The following CECR2 variants were observed in gnomAD, a reference collection of about 807,000 sequenced individuals.
CECR2 encodes the protein CECR2 histone acetyl-lysine reader.
In CECR2, 30 loss-of-function variants were observed where a neutral mutation model predicts 154.5. That is an observed-to-expected ratio of 0.19 (90% CI 0.15 to 0.26). The LOEUF (loss-of-function observed/expected upper bound fraction) is 0.26. CECR2 is among the 10% of genes least tolerant of loss of function. The pLI is 1.00. For missense variants in CECR2, 1,743 were observed against 1,829.3 expected (o/e 0.95, Z 0.86); for synonymous variants, 725 against 683.7 (o/e 1.06, Z -0.94).
chr22:17,505,534 C>CTTT lies in CECR2; in HGVS notation c.870+539_870+541dup, dbSNP rs11387639. On this transcript the variant is annotated intron_variant, in intron 7 of 18. Coordinates refer to ENST00000262608, the MANE Select transcript of CECR2 (RefSeq NM_001290047.2). The stretch of plus-strand genomic sequence containing the variant: ...TCAAACATCCTTCATCCTCTTTTTC[C>CTTT]TTTTTTTTTTTTTTTTTTTTTTTGA... 1.0e-2 allele frequency among the ~76,000 whole-genome samples: 987 copies of CTTT among 98,848 alleles called. 13 individuals carry two copies. The highest frequency in any genetic ancestry group is 0.017 in the East Asian group (50 of 3,010). The allele number at this position is 98,848 out of a possible 152,430, so 64.8% of individuals were successfully genotyped here. A position where few individuals can be genotyped will look rare whatever the true frequency, so the allele number is the denominator to read the frequency against.
chr22:17,542,094 G>A, intron 15 of CECR2, 63 bp from the exon 16 acceptor site: 9 of 1,575,766 alleles, frequency 5.7e-6, no homozygotes, highest in Non-Finnish European at 7.8e-6. Flanking sequence ...CCATAGAGAA[G>A]CATGGCACAA....
At chr22:17,378,022 T>C (rs569823687) in intron 1 of CECR2, among the ~76,000 whole-genome samples, 501 of 152,326 alleles carry the variant, frequency 3.3e-3, no homozygotes, top group African/African-American at 0.011. Flanking sequence ...CTTGCTCTGT[T>C]GCCCAGGCTG....
At position 17,532,522 on chromosome 22, in the gene CECR2, A is replaced by G. The variant is rs117898851; in HGVS notation, c.1109-4581A>G. Among the ~76,000 whole-genome samples the G allele has an allele frequency of 1.1e-3, 169 of 152,160 alleles. 2 individuals are homozygous for G. In the East Asian group the frequency reaches 0.028, roughly 25 times the overall value. ...TTCCCTTTAAAGTCAGGATAAACAC[A>G]AGGATTTCCTCTATTGTTTCCATTT... On this transcript the variant is annotated intron_variant, in intron 9 of 18. Transcript: ENST00000262608.
intron 18 of CECR2, 61 bp from the exon 19 acceptor site, chr22:17,552,774 G>GTTTTTT (rs695569): frequency 0.026 from 24,310 of 935,076 alleles, 406 homozygotes; most frequent in East Asian, 0.036. Flanking sequence ...GCTTACTTAA[G>GTTTTTT]TTTTTTTTTT....
intron 1 of CECR2, among the ~76,000 whole-genome samples, chr22:17,396,714 A>G (rs893912776): frequency 7.9e-5 from 12 of 152,242 alleles, no homozygotes; most frequent in African/African-American, 2.7e-4. Context: ...CATTCCTGGT[A>G]TATAACCTGT....
intron 2 of CECR2, among the ~76,000 whole-genome samples, chr22:17,487,635 TGAGCC>T (rs552757576): frequency 6.2e-4 from 95 of 152,134 alleles, no homozygotes; most frequent in Non-Finnish European, 1.1e-3. Flanking sequence ...GAGCTTGCAG[TGAGCC>T]GAGATCGCGC....
intron 1 of CECR2, among the ~76,000 whole-genome samples, chr22:17,447,128 G>A (rs5992054): frequency 0.29 from 43,104 of 146,844 alleles, 9,095 homozygotes; most frequent in African/African-American, 0.57. Context: ...TCCGCCTCCC[G>A]GGTTCACGCC....
chr22:17,555,265 CCTT>C lies in CECR2; in HGVS notation c.*2429_*2431del, dbSNP rs1289971784. 6.6e-6 allele frequency: 1 copy of C among 152,224 alleles called. No individual in the cohort carries two copies. Among genetic ancestry groups the C allele is most frequent in the East Asian group, 1.9e-4 (1 of 5,202 alleles). 9.4% of individuals were successfully genotyped at this position (152,224 alleles called of 1,614,324 possible). Reference sequence around the variant, plus strand: ...AGTAAATCCCTTTATCCTTAATCTCCCTTCTTGGTTTTCGACAGAAAATATTAA... The same window carrying C: ...AGTAAATCCCTTTATCCTTAATCTCCCTTGGTTTTCGACAGAAAATATTAA... On this transcript the variant is annotated 3_prime_UTR_variant, in exon 19 of 19. Transcript: ENST00000262608.
rs554798441 is a variant in CECR2 at position 17,395,093 on chromosome 22, C to T, written c.126+25184C>T. On this transcript the variant is annotated intron_variant, in intron 1 of 18. Transcript: ENST00000262608. Reference sequence around the variant, plus strand: ...ATCTAACCCCAGTGTTGCCTTGTGTCCCTTGGCGGTTGACCCCATCCCTAC... The same window carrying T: ...ATCTAACCCCAGTGTTGCCTTGTGTTCCTTGGCGGTTGACCCCATCCCTAC... Among the ~76,000 whole-genome samples the T allele has an allele frequency of 7.7e-4, 117 of 152,310 alleles. 1 individual carries two copies. The highest frequency in any genetic ancestry group is 2.7e-3 in the African/African-American group (114 of 41,572).
At chr22:17,437,305 G>A (rs545092588) in intron 1 of CECR2, among the ~76,000 whole-genome samples, 3 of 152,118 alleles carry the variant, frequency 2.0e-5, no homozygotes, top group Non-Finnish European at 2.9e-5. Context: ...TGTTTCACGC[G>A]TTGTCGGGAG....
chr22:17,498,891 T>G (rs1196840867), intron 3 of CECR2, among the ~76,000 whole-genome samples: 2 of 152,226 alleles, frequency 1.3e-5, no homozygotes, highest in Non-Finnish European at 2.9e-5. Flanking sequence ...AATATTTCCA[T>G]CTCTTGTTCC....
At chr22:17,534,129 A>G (rs758543762) in intron 9 of CECR2, among the ~76,000 whole-genome samples, 1 of 152,176 alleles carries the variant, frequency 6.6e-6, no homozygotes, top group African/African-American at 2.4e-5. Context: ...GAGATAGACA[A>G]TGAGACCAGA....
chr22:17,457,603 G>A (rs988843853), intron 1 of CECR2, among the ~76,000 whole-genome samples: 2 of 152,304 alleles, frequency 1.3e-5, no homozygotes, highest in South Asian at 2.1e-4. Flanking sequence ...TTGCACATGA[G>A]TGCTCAGTAA....
intron 2 of CECR2, among the ~76,000 whole-genome samples, chr22:17,485,912 G>T (rs2055413036): frequency 6.6e-6 from 1 of 152,232 alleles, no homozygotes; most frequent in African/African-American, 2.4e-5. Flanking sequence ...AATATCTGCA[G>T]TATCTATATG....
At position 17,543,093 on chromosome 22, in the gene CECR2, C is replaced by T; in HGVS notation, c.2860+90C>T. 7 of 1,326,872 alleles carry T rather than the reference C, an allele frequency of 5.3e-6. No homozygotes were observed. In the South Asian group the frequency reaches 1.1e-4, roughly 20 times the overall value. 82.2% of individuals were successfully genotyped at this position (1,326,872 alleles called of 1,614,324 possible). A position where few individuals can be genotyped will look rare whatever the true frequency, so the allele number is the denominator to read the frequency against. On this transcript the variant is annotated intron_variant, in intron 16 of 18. Coordinates refer to ENST00000262608, the MANE Select transcript of CECR2 (RefSeq NM_001290047.2). ...ATATCAAACCAAGTGTAATCTGGTT[C>T]CCAGCCTCTCTTTCTTTGTTTATTT...
At chr22:17,524,326 C>A (rs760846394) in intron 9 of CECR2, 55 bp downstream of exon 9, 1 of 1,588,842 alleles carries the variant, frequency 6.3e-7, no homozygotes, top group African/African-American at 1.4e-5. Flanking sequence ...ACCAGCCGTC[C>A]TGTAGCCAGA....
chr22:17,477,460 T>C, intron 1 of CECR2, 128 bp from the exon 2 acceptor site: 1 of 679,856 alleles, frequency 1.5e-6, no homozygotes, highest in Non-Finnish European at 2.6e-6. Context: ...AGGGCAGAGC[T>C]GATCTCTGGC....
intron 1 of CECR2, chr22:17,418,615 C>G (rs565358819): frequency 3.4e-5 from 6 of 178,012 alleles, no homozygotes; most frequent in Non-Finnish European, 7.7e-5. Context: ...TCCAGATGAG[C>G]TATATAAAAA....
At chr22:17,379,820 TGTGA>T (rs1375172930) in intron 1 of CECR2, among the ~76,000 whole-genome samples, 4 of 152,072 alleles carry the variant, frequency 2.6e-5, no homozygotes, top group Non-Finnish European at 5.9e-5. Context: ...CAAACGGTAT[TGTGA>T]GTGTGACTCA....
Sources: allele counts gnomAD v4.1 joint callset (sites outside exome capture counted in the v4.1 genomes callset), GRCh38; gene constraint gnomAD v4.1.1; transcripts MANE v1.5; gene names NCBI Gene and HGNC (gene_info 2026-07-23, HGNC 2026-07-21).